Variants in DIP2B observed in about 807,000 individuals in gnomAD.
DIP2B encodes disco-interacting protein 2 homolog B.
A neutral mutation model predicts 198.0 loss-of-function variants in DIP2B; 76 were observed. That is an observed-to-expected ratio of 0.38 (90% CI 0.32 to 0.46). The LOEUF (loss-of-function observed/expected upper bound fraction) is 0.46. Among genes scored for constraint, DIP2B ranks in the 20% least tolerant of loss-of-function variants. The pLI, the probability that DIP2B is intolerant of heterozygous loss-of-function variation, is 0.99. For synonymous variants in DIP2B, 701 were observed against 739.1 expected (o/e 0.95, Z 0.84); for missense variants, 1,559 against 1,978.4 (o/e 0.79, Z 4.02).
intron 1 of DIP2B, among the ~76,000 whole-genome samples, chr12:50,521,189 C>T (rs1593575842): frequency 6.8e-6 from 1 of 147,946 alleles, no homozygotes; most frequent in Non-Finnish European, 1.5e-5. Flanking sequence ...TCACTGCAAC[C>T]TCTGCCTCCC....
intron 1 of DIP2B, among the ~76,000 whole-genome samples, chr12:50,532,883 A>T (rs183840422): frequency 1.1e-4 from 17 of 152,302 alleles, no homozygotes; most frequent in African/African-American, 4.1e-4. Flanking sequence ...ACGCAGAGAA[A>T]CTTAAGCCTT....
intron 1 of DIP2B, among the ~76,000 whole-genome samples, chr12:50,512,499 G>C (rs1001519782): frequency 6.6e-6 from 1 of 152,122 alleles, no homozygotes; most frequent in East Asian, 1.9e-4. Flanking sequence ...TTAGGAATAC[G>C]ATAAATTTTT....
rs191549471 is a variant in DIP2B at position 50,630,632 on chromosome 12, T to G, written c.172+4585T>G. Among the ~76,000 whole-genome samples the G allele has an allele frequency of 4.6e-5, 7 of 151,974 alleles. No homozygotes were observed. In the South Asian group the frequency reaches 6.2e-4, roughly 14 times the overall value. On this transcript the variant is annotated intron_variant, in intron 2 of 37. Coordinates refer to ENST00000301180, the MANE Select transcript of DIP2B (RefSeq NM_173602.3). Reference sequence around the variant, plus strand: ...AAGGACACAAGGACTTTAGAATGCTTTGATGTTGATCACCACGAATTCTTT... The same window carrying G: ...AAGGACACAAGGACTTTAGAATGCTGTGATGTTGATCACCACGAATTCTTT...
At chr12:50,683,527 A>G (rs1278922904) in intron 10 of DIP2B, among the ~76,000 whole-genome samples, 1 of 152,202 alleles carries the variant, frequency 6.6e-6, no homozygotes, top group East Asian at 1.9e-4. Flanking sequence ...CACGCCTGTA[A>G]TCACAGCACT....
chr12:50,629,608 CG>C (rs1258014786), intron 2 of DIP2B, among the ~76,000 whole-genome samples: 1 of 152,148 alleles, frequency 6.6e-6, no homozygotes, highest in Admixed American at 6.6e-5. Context: ...TCCGAGCCCC[CG>C]ATCCATAGAT....
chr12:50,636,901 AC>A (rs1938170262), intron 2 of DIP2B, among the ~76,000 whole-genome samples: 2 of 152,252 alleles, frequency 1.3e-5, no homozygotes, highest in South Asian at 4.1e-4. Context: ...TACAGAGTCT[AC>A]CCCTGGAAAA....
At chr12:50,573,842 A>G (rs1041632918) in intron 1 of DIP2B, among the ~76,000 whole-genome samples, 8 of 152,350 alleles carry the variant, frequency 5.3e-5, no homozygotes, top group Admixed American at 5.2e-4. Flanking sequence ...CATTTATTCA[A>G]ATAATTTGTC....
At chr12:50,505,507 C>T (rs749449298) in intron 1 of DIP2B, among the ~76,000 whole-genome samples, 5 of 152,180 alleles carry the variant, frequency 3.3e-5, no homozygotes, top group African/African-American at 7.2e-5. Context: ...GCTTCCTGCC[C>T]CCCAAAACCC....
intron 3 of DIP2B, among the ~76,000 whole-genome samples, chr12:50,649,655 G>C (rs1938418698): frequency 6.6e-6 from 1 of 152,048 alleles, no homozygotes; most frequent in African/African-American, 2.4e-5. Flanking sequence ...GGAGTTCGAG[G>C]CCAGGCTGGC....
intron 16 of DIP2B, 21 bp from the exon 17 acceptor site, chr12:50,697,040 T>G: frequency 4.4e-5 from 69 of 1,576,924 alleles, no homozygotes; most frequent in Non-Finnish European, 5.5e-5. Flanking sequence ...AGCTTCAGGT[T>G]GATCTGTTCC....
intron 34 of DIP2B, 119 bp downstream of exon 34, chr12:50,735,249 G>A: frequency 8.9e-7 from 1 of 1,120,978 alleles, no homozygotes; most frequent in South Asian, 1.3e-5. Context: ...GAAATCTGGA[G>A]ATAATTTCAG....
intron 1 of DIP2B, among the ~76,000 whole-genome samples, chr12:50,574,237 ATTG>A (rs1958638940): frequency 6.6e-6 from 1 of 152,194 alleles, no homozygotes; most frequent in Non-Finnish European, 1.5e-5. Context: ...CTAAAATTAG[ATTG>A]TTGTTTAGTT....
intron 2 of DIP2B, among the ~76,000 whole-genome samples, chr12:50,636,236 C>T (rs1016263284): frequency 6.6e-6 from 1 of 152,172 alleles, no homozygotes; most frequent in Admixed American, 6.5e-5. Context: ...CAATGTGCCT[C>T]TGTGTATGTA....
At chr12:50,584,781 C>A (rs1958756269) in intron 1 of DIP2B, among the ~76,000 whole-genome samples, 1 of 152,142 alleles carries the variant, frequency 6.6e-6, no homozygotes, top group African/African-American at 2.4e-5. Context: ...CCAGGCTGGT[C>A]TTGAACTCGT....
At chr12:50,616,688 A>C (rs796324625) in intron 1 of DIP2B, among the ~76,000 whole-genome samples, 1 of 152,194 alleles carries the variant, frequency 6.6e-6, no homozygotes, top group African/African-American at 2.4e-5. Flanking sequence ...CTTGTTTTGT[A>C]TGACTGTGAG....
chr12:50,505,014 G>GGCGGCGGCGGCGGCC lies in DIP2B; in HGVS notation c.-117_-116insCGGCCGCGGCGGCGG. On this transcript the variant is annotated 5_prime_UTR_variant, in exon 1 of 38. Transcript: ENST00000301180. ...GACCTTTGCTCATGGCGGCGGCGGC[G>GGCGGCGGCGGCGGCC]GCGGCGGCGGTGCTGGTGGTGCTCG... The GGCGGCGGCGGCGGCC allele has an allele frequency of 1.0e-6, 1 of 964,108 alleles. No homozygotes were observed. Among genetic ancestry groups the GGCGGCGGCGGCGGCC allele is most frequent in the Non-Finnish European group, 1.5e-6 (1 of 655,688 alleles). The allele number at this position is 964,108 out of a possible 1,614,324, so 59.7% of individuals were successfully genotyped here. A position where few individuals can be genotyped will look rare whatever the true frequency, so the allele number is the denominator to read the frequency against.
Position 50,732,457 on chromosome 12 carries a change from T to G in DIP2B, c.3902T>G (p.Leu1301Arg). 6.2e-7 allele frequency: 1 copy of G among 1,614,228 alleles called. No individual in the cohort carries two copies. Among genetic ancestry groups the G allele is most frequent in the Non-Finnish European group, 8.5e-7 (1 of 1,180,032 alleles). The change falls in exon 32 of 38, where the codon CTC (leucine) becomes CGC (arginine). Residue 1301 changes from leucine to arginine, a missense_variant. Leu to Arg is a moderately radical substitution (Grantham distance 102). Coordinates refer to ENST00000301180, the MANE Select transcript of DIP2B (RefSeq NM_173602.3). ...GCACTCCAGCAGTCCTTCTCTAAGC[T>G]CTTCAAAGACATCGGGCTGTCCCCG... ...RVALQQSFSK[L>R]FKDIGLSPRA...
At chr12:50,737,469 A>G (rs1249841089) in intron 35 of DIP2B, among the ~76,000 whole-genome samples, 1 of 152,188 alleles carries the variant, frequency 6.6e-6, no homozygotes, top group Non-Finnish European at 1.5e-5. Flanking sequence ...TCTAAAATGT[A>G]TCCATGTTTG....
rs1179096075 is a variant in DIP2B at position 50,631,722 on chromosome 12, T to C, written c.172+5675T>C. Among the ~76,000 whole-genome samples the C allele has an allele frequency of 2.0e-5, 3 of 152,320 alleles. No homozygotes were observed. In the East Asian group the frequency reaches 5.8e-4, roughly 29 times the overall value. ...TCCTTGGATTGCAAACATGAGCCACTATGCCTGGCTAAATTTTCTTCTTCT... is the reference window on the plus strand; with the variant it reads ...TCCTTGGATTGCAAACATGAGCCACCATGCCTGGCTAAATTTTCTTCTTCT... On this transcript the variant is annotated intron_variant, in intron 2 of 37. Coordinates refer to ENST00000301180, the MANE Select transcript of DIP2B (RefSeq NM_173602.3).
Sources: allele counts gnomAD v4.1 joint callset (sites outside exome capture counted in the v4.1 genomes callset), GRCh38; gene constraint gnomAD v4.1.1; transcripts MANE v1.5; gene names NCBI Gene and HGNC (gene_info 2026-07-23, HGNC 2026-07-21).